Variants in SRSF1 observed in about 807,000 individuals in gnomAD.
SRSF1 encodes serine and arginine rich splicing factor 1, also known as serine/arginine-rich splicing factor 1.
SRSF1 carries 1 observed loss-of-function variant against 25.9 expected under a neutral mutation model. The observed-to-expected ratio is 0.04, with a 90% CI of 0.01 to 0.18. The LOEUF is 0.18. SRSF1 is among the 10% of genes least tolerant of loss of function. The pLI is 1.00. For synonymous variants in SRSF1, 132 were observed against 126.2 expected, an observed-to-expected ratio of 1.05 and a Z score of -0.31; for missense variants, 65 against 350.5, an observed-to-expected ratio of 0.19 and a Z score of 6.50.
intron 2 of SRSF1, 106 bp from the exon 3 acceptor site, chr17:58,006,079 A>T: frequency 1.8e-6 from 2 of 1,098,046 alleles, no homozygotes; most frequent in South Asian, 1.6e-5. Flanking sequence ...TAATAGGTGT[A>T]CTTAAGTGAT....
chr17:57,996,422 T>G (rs2075364842), downstream of SRSF1, among the ~76,000 whole-genome samples: 1 of 137,684 alleles, frequency 7.3e-6, no homozygotes, highest in Non-Finnish European at 1.5e-5. Flanking sequence ...AGGTGGAGGT[T>G]GCAGTGAGCC....
downstream of SRSF1, among the ~76,000 whole-genome samples, chr17:57,996,498 A>AAAAAAC (rs2075365848): frequency 1.3e-5 from 2 of 151,146 alleles, no homozygotes; most frequent in South Asian, 4.2e-4. Flanking sequence ...AAAAAAAAAA[A>AAAAAAC]AAAAACAGCC....
chr17:57,995,651 C>T, the SRSF1 span, among the ~76,000 whole-genome samples: 3 of 152,222 alleles, frequency 2.0e-5, no homozygotes, highest in Non-Finnish European at 2.9e-5. Flanking sequence ...AGGTGTTTCT[C>T]ACTTGGGTCA....
downstream of SRSF1, among the ~76,000 whole-genome samples, chr17:57,997,838 T>C (rs2075370868): frequency 6.6e-6 from 1 of 152,220 alleles, no homozygotes; most frequent in Admixed American, 6.5e-5. Flanking sequence ...TTTACTATTT[T>C]TAGAGTACAA....
downstream of SRSF1, among the ~76,000 whole-genome samples, chr17:57,997,572 T>C (rs2075370013): frequency 1.3e-5 from 2 of 152,332 alleles, no homozygotes; most frequent in South Asian, 4.1e-4. Flanking sequence ...AGGTAGAATA[T>C]AACCCATTGT....
Position 58,004,915 on chromosome 17 carries a change from A to C in SRSF1, c.*491T>G. On this transcript the variant is annotated 3_prime_UTR_variant, in exon 4 of 4. Coordinates refer to ENST00000258962, the MANE Select transcript of SRSF1 (RefSeq NM_006924.5). The stretch of plus-strand genomic sequence containing the variant: ...TTTCATCTGTGACAATAGCACTTGG[A>C]GTCATACCATTGCCTCCATTATTGA... 1 of 402,154 alleles carries C rather than the reference A, an allele frequency of 2.5e-6. No homozygotes were observed. Among genetic ancestry groups the C allele is most frequent in the East Asian group, 3.6e-5 (1 of 28,150 alleles). 24.9% of individuals were successfully genotyped at this position (402,154 alleles called of 1,614,324 possible).
Position 58,006,958 on chromosome 17 carries a change from C to A in SRSF1, c.180G>T (p.Glu60Asp), listed in dbSNP as rs764241280. The A allele has an allele frequency of 5.6e-6, 9 of 1,614,214 alleles. No individual in the cohort carries two copies. The highest frequency in any genetic ancestry group is 1.3e-5 in the African/African-American group (1 of 75,080). The stretch of plus-strand genomic sequence containing the variant: ...TGCCGCCTCACCGCGGGTCCTCGAA[C>A]TCAACGAAGGCGAAGGGCGGTCCCC... ...RRGGPPFAFVEFEDPRDAEDA... is the reference protein window; with the variant it reads ...RRGGPPFAFVDFEDPRDAEDA... The change falls in exon 1 of 4, where the codon GAG becomes GAT. Residue 60 changes from glutamate (E) to aspartate (D), a missense_variant. Physicochemically the swap from Glu to Asp is conservative, Grantham distance 45 (BLOSUM62 2). Transcript: ENST00000258962.
At position 58,005,189 on chromosome 17, in the gene SRSF1, A is replaced by C. The variant is rs1183963615; in HGVS notation, c.*217T>G. ...AGTCTGAAGAGTATGGAGTTAACTAAATTTAAACAATCCTGTCTATGACAT... is the reference window on the plus strand; with the variant it reads ...AGTCTGAAGAGTATGGAGTTAACTACATTTAAACAATCCTGTCTATGACAT... On this transcript the variant is annotated 3_prime_UTR_variant, in exon 4 of 4. Coordinates refer to ENST00000258962, the MANE Select transcript of SRSF1 (RefSeq NM_006924.5). The surrounding 1 kb of genome is among the most constrained non-coding windows in gnomAD (Gnocchi z 5.2). 5 of 596,762 alleles carry C rather than the reference A, an allele frequency of 8.4e-6. No homozygotes were observed. Among genetic ancestry groups the C allele is most frequent in the Non-Finnish European group, 1.5e-5 (5 of 340,402 alleles). The allele number at this position is 596,762 out of a possible 1,614,324, so 37.0% of individuals were successfully genotyped here. A position where few individuals can be genotyped will look rare whatever the true frequency, so the allele number is the denominator to read the frequency against.
rs1567748340 is a variant in SRSF1 at position 58,004,288 on chromosome 17, CG to C, written c.*1117del. ...CAGGTTTCGTGGTTGCAAGAAGTTA[CG>C]TAATTTAAGTTTACTGGCATTGCTA... On this transcript the variant is annotated 3_prime_UTR_variant, in exon 4 of 4. Transcript: ENST00000258962. 6.6e-6 allele frequency: 1 copy of C among 152,558 alleles called. No homozygotes were observed. The highest frequency in any genetic ancestry group is 2.4e-5 in the African/African-American group (1 of 41,420). 9.5% of individuals were successfully genotyped at this position (152,558 alleles called of 1,614,324 possible).
chr17:57,991,896 T>C, the SRSF1 span: 1 of 152,250 alleles, frequency 6.6e-6, no homozygotes, highest in Non-Finnish European at 1.5e-5. Context: ...CCTTGACAAC[T>C]GGAACAAAGT....
rs950962456 is a variant in SRSF1, at chr17:58,003,644, T to A, written c.*1762A>T. 2 of 152,456 alleles carry A rather than the reference T, an allele frequency of 1.3e-5. No individual in the cohort carries two copies. Among genetic ancestry groups the A allele is most frequent in the African/African-American group, 4.8e-5 (2 of 41,454 alleles). The allele number at this position is 152,456 out of a possible 1,614,324, so 9.4% of individuals were successfully genotyped here. On this transcript the variant is annotated 3_prime_UTR_variant, in exon 4 of 4. Transcript: ENST00000258962. ...ACAAACCCCCCCTTTCCCCTTTAAA[T>A]GTTTACCATCTACTCGTGCTGAATC...
chr17:57,995,522 G>C, the SRSF1 span, among the ~76,000 whole-genome samples: 2 of 152,186 alleles, frequency 1.3e-5, no homozygotes, highest in Non-Finnish European at 2.9e-5. Flanking sequence ...CCAGGCTCTG[G>C]AACATGGCCA....
chr17:57,995,033 T>TA, the SRSF1 span, among the ~76,000 whole-genome samples: 12 of 152,230 alleles, frequency 7.9e-5, no homozygotes, highest in African/African-American at 2.9e-4. Flanking sequence ...TTTAAAGGGC[T>TA]ATTTGCTCAT....
At chr17:57,990,745 C>G in the SRSF1 span, 1 of 152,148 alleles carries the variant, frequency 6.6e-6, no homozygotes, top group Non-Finnish European at 1.5e-5. Context: ...TTACCTTCAG[C>G]CATGATGAAT....
rs989164171 is a variant in SRSF1, at chr17:58,002,374, C to T, written c.*3032G>A. ...TTCCACTACCAAGATTTCTGGTTTT[C>T]CTTAGGTTTTTAATTGTCACCCAAA... is the stretch of plus-strand genomic sequence containing the variant. On this transcript the variant is annotated 3_prime_UTR_variant, in exon 4 of 4. Transcript: ENST00000258962. Among the ~76,000 whole-genome samples the T allele has an allele frequency of 2.0e-5, 3 of 152,164 alleles. No homozygotes were observed. The highest frequency in any genetic ancestry group is 2.0e-4 in the Admixed American group (3 of 15,268).
the SRSF1 span, chr17:57,991,116 C>T: frequency 6.6e-6 from 1 of 152,180 alleles, no homozygotes; most frequent in South Asian, 2.1e-4. Flanking sequence ...TTACTTTCGC[C>T]AAGTGACAGG....
At chr17:57,999,329 C>T (rs1234067799), downstream of SRSF1, among the ~76,000 whole-genome samples, 2 of 152,312 alleles carry the variant, frequency 1.3e-5, no homozygotes, top group African/African-American at 4.8e-5. Flanking sequence ...ACACCTAACT[C>T]CTGTTCCCAA....
rs1474391130 is a variant in SRSF1, at chr17:58,001,275, G to A, written c.*4131C>T. On this transcript the variant is annotated 3_prime_UTR_variant, in exon 4 of 4. Coordinates refer to ENST00000258962, the MANE Select transcript of SRSF1 (RefSeq NM_006924.5). ...TCAAAGACAACAAACACCAAGAAAA[G>A]TTGAGATTCTACAATAAATCATATT... 6.6e-6 allele frequency among the ~76,000 whole-genome samples: 1 copy of A among 152,070 alleles called. No individual in the cohort carries two copies.
rs1026931990 is a variant in SRSF1 at position 58,001,875 on chromosome 17, T to G, written c.*3531A>C. The stretch of plus-strand genomic sequence containing the variant: ...CTCTAATCTTCAAATTCAGCCTGTA[T>G]AACAAGGAATACTGTCTCATTTCAA... On this transcript the variant is annotated 3_prime_UTR_variant, in exon 4 of 4. Coordinates refer to ENST00000258962, the MANE Select transcript of SRSF1 (RefSeq NM_006924.5). Among the ~76,000 whole-genome samples, 3 of 152,200 alleles carry G rather than the reference T, an allele frequency of 2.0e-5. No homozygotes were observed. The highest frequency in any genetic ancestry group is 7.2e-5 in the African/African-American group (3 of 41,460).
Sources: allele counts gnomAD v4.1 joint callset (sites outside exome capture counted in the v4.1 genomes callset), GRCh38; gene constraint gnomAD v4.1.1; non-coding constraint Gnocchi (gnomAD v3.1); transcripts MANE v1.5; gene names NCBI Gene and HGNC (gene_info 2026-07-23, HGNC 2026-07-21).